Variants in MECOM observed in about 807,000 individuals in gnomAD.
The protein encoded by MECOM is histone-lysine N-methyltransferase MECOM.
Under a neutral mutation model 116.3 loss-of-function variants are expected in MECOM, and 13 were observed. That is an observed-to-expected ratio of 0.11 (90% CI 0.07 to 0.18). The LOEUF (loss-of-function observed/expected upper bound fraction) is 0.18, where lower values mean the gene tolerates loss of function less well. Ranked by LOEUF, MECOM falls within the 10% of genes least tolerant of loss-of-function variation. MECOM has a pLI of 1.00. For missense variants in MECOM, 1,299 were observed against 1,509.0 expected (o/e 0.86, Z 2.31); for synonymous variants, 528 against 535.2 (o/e 0.99, Z 0.19).
chr3:169,379,702 T>C lies in MECOM; in HGVS notation c.375+1485A>G, dbSNP rs77428665. ...AAGCTGTGGTTTATTCCAAGCCTTC[T>C]GGATAATCTTGATGAGTATTGCACT... On this transcript the variant is annotated intron_variant, in intron 2 of 16. Transcript: ENST00000651503. 1.8e-3 allele frequency among the ~76,000 whole-genome samples: 277 copies of C among 152,288 alleles called. 5 individuals are homozygous for C. The East Asian group carries it at 0.047, about 26-fold the overall frequency.
At chr3:169,470,052 G>A (rs189161031) in intron 1 of MECOM, 1 of 152,240 alleles carries the variant, frequency 6.6e-6, no homozygotes, top group African/African-American at 2.4e-5. Flanking sequence ...TTCTCCGAAA[G>A]GTACCCAAAA....
chr3:169,527,370 T>A lies in MECOM; in HGVS notation c.37+135966A>T, dbSNP rs186423151. Among the ~76,000 whole-genome samples the A allele has an allele frequency of 2.2e-4, 34 of 152,328 alleles. 1 individual carries two copies. In the East Asian group the frequency reaches 6.0e-3, roughly 27 times the overall value. On this transcript the variant is annotated intron_variant, in intron 1 of 16. Coordinates refer to ENST00000651503, the MANE Select transcript of MECOM (RefSeq NM_004991.4). ...TCCATGTATCACTATAGCAGCATGA[T>A]CTCAACAGTTTGAAAGGTATTTGTC...
intron 2 of MECOM, among the ~76,000 whole-genome samples, chr3:169,175,247 C>T (rs919625589): frequency 1.4e-4 from 22 of 152,192 alleles, no homozygotes; most frequent in Non-Finnish European, 7.4e-5. Flanking sequence ...ATAAATACTA[C>T]AAGTTGAGCA....
At chr3:169,444,530 C>T (rs1482941322) in intron 1 of MECOM, among the ~76,000 whole-genome samples, 1 of 152,062 alleles carries the variant, frequency 6.6e-6, no homozygotes. Flanking sequence ...GTAAGAAGTG[C>T]CTTTCACCCC....
At chr3:169,464,347 T>C (rs554533361) in intron 1 of MECOM, among the ~76,000 whole-genome samples, 9 of 152,280 alleles carry the variant, frequency 5.9e-5, no homozygotes, top group Non-Finnish European at 1.3e-4. Flanking sequence ...AACATATCTC[T>C]GTGATCCTTT....
At chr3:169,085,185 T>C in intron 16 of MECOM, 142 bp from the exon 17 acceptor site, 1 of 1,091,604 alleles carries the variant, frequency 9.2e-7, no homozygotes, top group Non-Finnish European at 1.3e-6. Context: ...AGAAGGCATA[T>C]TTTTTGTAGA....
At chr3:169,173,969 A>C (rs1405348406) in intron 2 of MECOM, among the ~76,000 whole-genome samples, 1 of 152,136 alleles carries the variant, frequency 6.6e-6, no homozygotes, top group Non-Finnish European at 1.5e-5. Context: ...TATTCACCTG[A>C]ATATTTACCT....
intron 1 of MECOM, among the ~76,000 whole-genome samples, chr3:169,554,225 T>C (rs931852682): frequency 1.3e-5 from 2 of 151,990 alleles, no homozygotes; most frequent in African/African-American, 4.8e-5. Context: ...AAAGCCTGGG[T>C]CCCTGAAAAT....
At chr3:169,497,801 A>ATG (rs2108957355) in intron 1 of MECOM, among the ~76,000 whole-genome samples, 1 of 152,346 alleles carries the variant, frequency 6.6e-6, no homozygotes, top group East Asian at 1.9e-4. Flanking sequence ...TATAAAGTCA[A>ATG]TGTGTTTGTT....
At chr3:169,542,342 A>C (rs1347472229) in intron 1 of MECOM, among the ~76,000 whole-genome samples, 5 of 151,704 alleles carry the variant, frequency 3.3e-5, no homozygotes, top group Non-Finnish European at 7.4e-5. Context: ...AAAAAAGAAC[A>C]GACTTATTTT....
intron 2 of MECOM, among the ~76,000 whole-genome samples, chr3:169,191,459 A>G (rs1316899474): frequency 6.6e-6 from 1 of 151,982 alleles, no homozygotes; most frequent in Non-Finnish European, 1.5e-5. Flanking sequence ...AATAGATCAG[A>G]TAAGATGGAG....
chr3:169,493,010 C>T (rs1057096707), intron 1 of MECOM, among the ~76,000 whole-genome samples: 3 of 152,140 alleles, frequency 2.0e-5, no homozygotes, highest in African/African-American at 7.2e-5. Context: ...TCGTACCTAC[C>T]TGTCTTTTCT....
intron 2 of MECOM, among the ~76,000 whole-genome samples, chr3:169,340,013 A>G (rs982193373): frequency 6.6e-6 from 1 of 152,208 alleles, no homozygotes; most frequent in Non-Finnish European, 1.5e-5. Context: ...AAATGAATCT[A>G]TTATGTATTT....
chr3:169,208,284 T>C (rs1750224470), intron 2 of MECOM, among the ~76,000 whole-genome samples: 1 of 148,474 alleles, frequency 6.7e-6, no homozygotes. Context: ...CACAATGTTA[T>C]ATTACATTAT....
chr3:169,652,578 T>C (rs1775050345), intron 1 of MECOM, among the ~76,000 whole-genome samples: 1 of 152,172 alleles, frequency 6.6e-6, no homozygotes, highest in Non-Finnish European at 1.5e-5. Flanking sequence ...TAGAGATGGT[T>C]GATTTGTGAA....
chr3:169,313,050 T>A (rs1719098093), intron 2 of MECOM, among the ~76,000 whole-genome samples: 1 of 152,008 alleles, frequency 6.6e-6, no homozygotes, highest in Non-Finnish European at 1.5e-5. Flanking sequence ...AAAAGCAAGT[T>A]GAGACAACCA....
chr3:169,483,644 A>G (rs1266931813), intron 1 of MECOM: 29 of 1,453,460 alleles, frequency 2.0e-5, no homozygotes, highest in Admixed American at 1.9e-4. Flanking sequence ...TCAAGAACTC[A>G]TACAAAATTT....
intron 1 of MECOM, among the ~76,000 whole-genome samples, chr3:169,583,676 CAG>C (rs990991787): frequency 1.1e-4 from 16 of 152,166 alleles, no homozygotes; most frequent in African/African-American, 3.1e-4. Context: ...TTTTTTGAGA[CAG>C]AGTCTCACTG....
chr3:169,475,639 A>G (rs931592501), intron 1 of MECOM, among the ~76,000 whole-genome samples: 1 of 152,198 alleles, frequency 6.6e-6, no homozygotes, highest in African/African-American at 2.4e-5. Context: ...GAAAGACGCA[A>G]TCATTCCTTA....
Sources: allele counts gnomAD v4.1 joint callset (sites outside exome capture counted in the v4.1 genomes callset), GRCh38; gene constraint gnomAD v4.1.1; transcripts MANE v1.5; gene names NCBI Gene and HGNC (gene_info 2026-07-23, HGNC 2026-07-21).